CLSTN2: variants seen among roughly 807,000 people sequenced by gnomAD.
CLSTN2 encodes the protein calsyntenin-2.
Under a neutral mutation model 101.2 loss-of-function variants are expected in CLSTN2, and 48 were observed. That is an observed-to-expected ratio of 0.47 (90% CI 0.38 to 0.60). The LOEUF is 0.60. Among genes scored for constraint, CLSTN2 ranks in the 20% least tolerant of loss-of-function variants. The pLI, the probability that CLSTN2 is intolerant of heterozygous loss-of-function variation, is 0.00. For synonymous variants in CLSTN2, 481 were observed against 463.6 expected, an observed-to-expected ratio of 1.04 and a Z score of -0.48; for missense variants, 1,160 against 1,238.2, an observed-to-expected ratio of 0.94 and a Z score of 0.95.
At chr3:140,071,149 C>G (rs2008384872) in intron 1 of CLSTN2, among the ~76,000 whole-genome samples, 1 of 151,982 alleles carries the variant, frequency 6.6e-6, no homozygotes, top group African/African-American at 2.4e-5. Flanking sequence ...GAACTTACAT[C>G]TAGTATATGT....
At chr3:140,332,724 A>G (rs1056065524) in intron 2 of CLSTN2, among the ~76,000 whole-genome samples, 17 of 151,280 alleles carry the variant, frequency 1.1e-4, no homozygotes, top group Non-Finnish European at 1.9e-4. Flanking sequence ...AAAAAAAATT[A>G]TAGGAAGGAT....
chr3:140,010,887 A>C (rs1389466522), intron 1 of CLSTN2, among the ~76,000 whole-genome samples: 3 of 152,202 alleles, frequency 2.0e-5, no homozygotes, highest in Non-Finnish European at 4.4e-5. Context: ...AACTTTAAAC[A>C]AGAAGGGCCC....
chr3:140,304,779 G>A (rs1296217454), intron 2 of CLSTN2, among the ~76,000 whole-genome samples: 1 of 152,074 alleles, frequency 6.6e-6, no homozygotes, highest in Non-Finnish European at 1.5e-5. Context: ...AAGCAAGCTG[G>A]CTTTGGGTCC....
chr3:140,545,474 C>G (rs1374907254), intron 9 of CLSTN2, among the ~76,000 whole-genome samples: 1 of 152,106 alleles, frequency 6.6e-6, no homozygotes, highest in Admixed American at 6.6e-5. Flanking sequence ...GCTTATGAAA[C>G]CTTCCCAGGA....
intron 1 of CLSTN2, among the ~76,000 whole-genome samples, chr3:140,041,126 G>T (rs2007753823): frequency 6.6e-6 from 1 of 152,168 alleles, no homozygotes; most frequent in Non-Finnish European, 1.5e-5. Flanking sequence ...AATCCGGAGA[G>T]CAGTGGGAAC....
chr3:140,274,688 A>G (rs943441443), intron 2 of CLSTN2, among the ~76,000 whole-genome samples: 4 of 152,110 alleles, frequency 2.6e-5, no homozygotes, highest in African/African-American at 9.7e-5. Flanking sequence ...TCTCTCTACA[A>G]GGAGGTAAGT....
intron 1 of CLSTN2, among the ~76,000 whole-genome samples, chr3:140,135,117 C>CACACATATATAT (rs1488268767): frequency 3.6e-4 from 21 of 58,112 alleles, no homozygotes; most frequent in East Asian, 4.5e-4. Flanking sequence ...CACACACACA[C>CACACATATATAT]ATATATATAT....
chr3:140,265,186 C>G (rs1352750573), intron 2 of CLSTN2, among the ~76,000 whole-genome samples: 1 of 152,148 alleles, frequency 6.6e-6, no homozygotes, highest in Non-Finnish European at 1.5e-5. Flanking sequence ...AACAGTGAAG[C>G]CAAGAATACT....
chr3:140,295,245 G>A (rs2086991742), intron 2 of CLSTN2, among the ~76,000 whole-genome samples: 1 of 151,972 alleles, frequency 6.6e-6, no homozygotes, highest in Admixed American at 6.6e-5. Context: ...TATTTTTTCT[G>A]TAAATTACGT....
intron 2 of CLSTN2, among the ~76,000 whole-genome samples, chr3:140,211,560 G>A (rs62266218): frequency 0.29 from 43,609 of 148,794 alleles, 7,476 homozygotes; most frequent in Middle Eastern, 0.4. Flanking sequence ...TGTGTGTAGT[G>A]TGTGTGTGTA....
In CLSTN2 at chr3:140,305,054, ACT is replaced by A. The variant is rs1165522955; in HGVS notation, c.233-98558_233-98557del. Among the ~76,000 whole-genome samples the A allele has an allele frequency of 7.5e-3, 890 of 118,144 alleles. 5 individuals are homozygous for A. The highest frequency in any genetic ancestry group is 0.031 in the East Asian group (80 of 2,600). 77.5% of individuals were successfully genotyped at this position (118,144 alleles called of 152,430 possible). The stretch of plus-strand genomic sequence containing the variant: ...CACACACACACACACACACACACAC[ACT>A]CTCTCTCTCTCTCTCTGTCTCTCTT... On this transcript the variant is annotated intron_variant, in intron 2 of 16. Transcript: ENST00000458420.
In CLSTN2 at chr3:140,566,481, G is replaced by T; in HGVS notation, c.*228G>T. ...CAGTGAGGACTTCAGGGTAGACTTT[G>T]TCCTGTAGCCTCCACTTCTGCCCTA... On this transcript the variant is annotated 3_prime_UTR_variant, in exon 17 of 17. Coordinates refer to ENST00000458420, the MANE Select transcript of CLSTN2 (RefSeq NM_022131.3). The T allele has an allele frequency of 1.8e-6, 1 of 570,390 alleles. No homozygotes were observed. Among genetic ancestry groups the T allele is most frequent in the Non-Finnish European group, 3.1e-6 (1 of 319,724 alleles). 35.3% of individuals were successfully genotyped at this position (570,390 alleles called of 1,614,324 possible). A position where few individuals can be genotyped will look rare whatever the true frequency, so the allele number is the denominator to read the frequency against.
chr3:139,942,702 T>C (rs1935152979), intron 1 of CLSTN2, among the ~76,000 whole-genome samples: 2 of 152,108 alleles, frequency 1.3e-5, no homozygotes. Context: ...CATTGGTAAA[T>C]GCACATTACA....
chr3:140,110,138 A>C (rs2009130241), intron 1 of CLSTN2, among the ~76,000 whole-genome samples: 1 of 152,182 alleles, frequency 6.6e-6, no homozygotes, highest in Non-Finnish European at 1.5e-5. Context: ...GAACAATTCC[A>C]CCTTAATCAG....
rs76989567 is a variant in CLSTN2 at position 140,442,514 on chromosome 3, T to C, written c.788-6005T>C. The stretch of plus-strand genomic sequence containing the variant: ...TGCCTGTGGTGTGGTTATCCCTGAA[T>C]CTGAATCTGTCCAGTTGCAGGGTTA... On this transcript the variant is annotated intron_variant, in intron 5 of 16. Transcript: ENST00000458420. Among the ~76,000 whole-genome samples the C allele has an allele frequency of 6.3e-4, 96 of 152,280 alleles. No homozygotes were observed. The East Asian group carries it at 0.017, about 27-fold the overall frequency.
At chr3:139,974,095 A>T (rs1174294376) in intron 1 of CLSTN2, among the ~76,000 whole-genome samples, 1 of 152,074 alleles carries the variant, frequency 6.6e-6, no homozygotes, top group Non-Finnish European at 1.5e-5. Flanking sequence ...ATTTAGAACA[A>T]CTCAATCTTT....
chr3:140,159,848 T>G (rs1444181567), intron 1 of CLSTN2, among the ~76,000 whole-genome samples: 6 of 152,112 alleles, frequency 3.9e-5, no homozygotes, highest in African/African-American at 1.4e-4. Context: ...GGAACAATAT[T>G]ATATCCTTTG....
intron 9 of CLSTN2, among the ~76,000 whole-genome samples, chr3:140,540,942 G>C (rs1187770969): frequency 6.6e-6 from 1 of 152,196 alleles, no homozygotes; most frequent in Non-Finnish European, 1.5e-5. Flanking sequence ...GCATTAAATT[G>C]TGTTTGCTAA....
intron 1 of CLSTN2, among the ~76,000 whole-genome samples, chr3:140,024,124 A>T (rs534840134): frequency 1.3e-5 from 2 of 152,314 alleles, no homozygotes. Context: ...GGATCATGTC[A>T]CCAACTTTGT....
Sources: allele counts gnomAD v4.1 joint callset (sites outside exome capture counted in the v4.1 genomes callset), GRCh38; gene constraint gnomAD v4.1.1; transcripts MANE v1.5; gene names NCBI Gene and HGNC (gene_info 2026-07-23, HGNC 2026-07-21).